Variants in SRPK2 observed in about 807,000 individuals in gnomAD.
The protein encoded by SRPK2 is SRSF protein kinase 2, also known as SFRS protein kinase 2.
Under a neutral mutation model 90.8 loss-of-function variants are expected in SRPK2, and 21 were observed. The ratio of observed to expected loss-of-function variants is 0.23; its 90% CI spans 0.16 to 0.33. SRPK2 has a LOEUF of 0.33. SRPK2 is among the 10% of genes least tolerant of loss of function. SRPK2 has a pLI of 1.00. For synonymous variants in SRPK2, 288 were observed against 311.1 expected, an observed-to-expected ratio of 0.93 and a Z score of 0.78; for missense variants, 620 against 869.0, an observed-to-expected ratio of 0.71 and a Z score of 3.60.
chr7:105,166,924 T>C (rs1423520698), intron 6 of SRPK2, among the ~76,000 whole-genome samples: 1 of 152,232 alleles, frequency 6.6e-6, no homozygotes, highest in African/African-American at 2.4e-5. Flanking sequence ...AAGCGCCACC[T>C]TGGGATGTGG....
At chr7:105,321,352 A>G (rs1296917175) in intron 2 of SRPK2, among the ~76,000 whole-genome samples, 1 of 152,198 alleles carries the variant, frequency 6.6e-6, no homozygotes, top group Non-Finnish European at 1.5e-5. Flanking sequence ...CCTACATAAG[A>G]GCTGAAATCA....
intron 2 of SRPK2, among the ~76,000 whole-genome samples, chr7:105,237,342 CTAAAT>C (rs1282752600): frequency 5.3e-5 from 8 of 152,192 alleles, no homozygotes; most frequent in African/African-American, 1.9e-4. Context: ...AAAAGATACA[CTAAAT>C]TATGCAATCT....
At chr7:105,213,524 GCCA>G (rs1454339426) in intron 2 of SRPK2, among the ~76,000 whole-genome samples, 3 of 120,870 alleles carry the variant, frequency 2.5e-5, no homozygotes, top group Admixed American at 2.4e-4. Flanking sequence ...AGTTAAACAA[GCCA>G]CCAACATTAT....
chr7:105,124,756 A>C (rs764426990), intron 15 of SRPK2, among the ~76,000 whole-genome samples: 5 of 152,062 alleles, frequency 3.3e-5, no homozygotes, highest in Non-Finnish European at 7.4e-5. Context: ...CATCAACTTT[A>C]AAAGTTCTTT....
chr7:105,226,725 G>C (rs1798755862), intron 2 of SRPK2, among the ~76,000 whole-genome samples: 1 of 43,756 alleles, frequency 2.3e-5, no homozygotes, highest in Non-Finnish European at 4.9e-5. Flanking sequence ...TAGATCTCTG[G>C]CCAGGCACGA....
At chr7:105,204,324 C>T (rs543429550) in intron 2 of SRPK2, among the ~76,000 whole-genome samples, 2 of 152,288 alleles carry the variant, frequency 1.3e-5, no homozygotes, top group Non-Finnish European at 2.9e-5. Context: ...CTAAAATATA[C>T]AAGATTGCCA....
intron 2 of SRPK2, among the ~76,000 whole-genome samples, chr7:105,360,321 T>C (rs1446779918): frequency 6.6e-6 from 1 of 152,240 alleles, no homozygotes; most frequent in Non-Finnish European, 1.5e-5. Flanking sequence ...TGATAGGTCT[T>C]GACTCTCTAT....
At chr7:105,151,896 T>C (rs759391250) in intron 7 of SRPK2, among the ~76,000 whole-genome samples, 1 of 151,770 alleles carries the variant, frequency 6.6e-6, no homozygotes, top group Non-Finnish European at 1.5e-5. Context: ...TGGTGGTGCA[T>C]GCCTGTAATC....
At chr7:105,145,885 G>A (rs972331542) in intron 8 of SRPK2, among the ~76,000 whole-genome samples, 1 of 152,106 alleles carries the variant, frequency 6.6e-6, no homozygotes, top group Non-Finnish European at 1.5e-5. Flanking sequence ...GCAGTCCCAG[G>A]AGCCTCAGCC....
downstream of SRPK2, among the ~76,000 whole-genome samples, chr7:105,116,190 G>C (rs1799613971): frequency 6.6e-6 from 1 of 152,056 alleles, no homozygotes; most frequent in East Asian, 1.9e-4. Flanking sequence ...CTATACTGTA[G>C]CTTTTCTCCT....
At chr7:105,134,937 C>T (rs1243453256) in intron 11 of SRPK2, among the ~76,000 whole-genome samples, 1 of 152,114 alleles carries the variant, frequency 6.6e-6, no homozygotes, top group Non-Finnish European at 1.5e-5. Context: ...CAGGTATGAG[C>T]TCAGGAAAAG....
chr7:105,162,630 C>G lies in SRPK2; in HGVS notation c.515-2017G>C, dbSNP rs572331509. On this transcript the variant is annotated intron_variant, in intron 6 of 15. Coordinates refer to ENST00000393651, the MANE Select transcript of SRPK2 (RefSeq NM_182692.3). ...ATACTGTTTAAGAATGTAAGCACTA[C>G]AGATTTATGCGCAGATAATCTAAAG... Among the ~76,000 whole-genome samples the G allele has an allele frequency of 8.5e-5, 13 of 152,224 alleles. No homozygotes were observed. The South Asian group carries it at 1.9e-3, about 22-fold the overall frequency.
chr7:105,356,514 T>C (rs2132153508), intron 2 of SRPK2, among the ~76,000 whole-genome samples: 1 of 152,302 alleles, frequency 6.6e-6, no homozygotes, highest in Middle Eastern at 3.4e-3. Flanking sequence ...GAATGCCCAA[T>C]ACACAATAAA....
intron 2 of SRPK2, among the ~76,000 whole-genome samples, chr7:105,312,118 C>G (rs893858634): frequency 1.1e-4 from 17 of 152,086 alleles, no homozygotes; most frequent in Admixed American, 6.5e-5. Context: ...CAAATAATTT[C>G]AAGATGAAGT....
At chr7:105,293,366 C>T (rs538318995) in intron 2 of SRPK2, among the ~76,000 whole-genome samples, 14 of 152,210 alleles carry the variant, frequency 9.2e-5, no homozygotes, top group South Asian at 8.3e-4. Flanking sequence ...ATGGTGACAA[C>T]TACCACTCTA....
At chr7:105,173,581 A>T (rs1791430698) in intron 3 of SRPK2, among the ~76,000 whole-genome samples, 2 of 152,156 alleles carry the variant, frequency 1.3e-5, no homozygotes, top group Non-Finnish European at 2.9e-5. Context: ...ACCAGAAATG[A>T]CCCCAATTCC....
At chr7:105,183,009 T>C (rs1425194669) in intron 3 of SRPK2, among the ~76,000 whole-genome samples, 4 of 152,204 alleles carry the variant, frequency 2.6e-5, no homozygotes, top group African/African-American at 7.2e-5. Context: ...TGAGCTGTGA[T>C]AGTATTTACA....
chr7:105,202,267 GATCT>G (rs1409497541), intron 3 of SRPK2, among the ~76,000 whole-genome samples: 3 of 152,066 alleles, frequency 2.0e-5, no homozygotes, highest in Non-Finnish European at 4.4e-5. Flanking sequence ...ACATACAAAT[GATCT>G]ATATCTACTA....
At chr7:105,198,013 A>G (rs533766466) in intron 3 of SRPK2, among the ~76,000 whole-genome samples, 3 of 152,216 alleles carry the variant, frequency 2.0e-5, no homozygotes, top group Non-Finnish European at 4.4e-5. Flanking sequence ...GTTCTGGAAA[A>G]AGTTAGGAAC....
Sources: gnomAD v4.1 joint callset for allele counts (sites outside exome capture counted in the v4.1 genomes callset) on GRCh38, gnomAD v4.1.1 for gene constraint, MANE v1.5 for transcripts, NCBI Gene and HGNC (gene_info 2026-07-23, HGNC 2026-07-21) for gene names.